The following GRM5 variants were observed in gnomAD, a reference collection of about 807,000 sequenced individuals.
GRM5 encodes metabotropic glutamate receptor 5.
Under a neutral mutation model 83.1 loss-of-function variants are expected in GRM5, and 19 were observed. The ratio of observed to expected loss-of-function variants is 0.23; its 90% CI spans 0.16 to 0.34. The LOEUF (loss-of-function observed/expected upper bound fraction) is 0.34. GRM5 is among the 10% of genes least tolerant of loss of function. The probability of loss-of-function intolerance (pLI) is 1.00; values close to 1 mark genes in which losing one functional copy is unlikely to be tolerated. For missense variants in GRM5, 1,160 were observed against 1,588.3 expected (o/e 0.73, Z 4.58); for synonymous variants, 675 against 633.6 (o/e 1.07, Z -0.98).
chr11:89,048,051 A>T lies in GRM5; in HGVS notation c.-179T>A. On this transcript the variant is annotated 5_prime_UTR_variant, in exon 2 of 10. It removes an upstream start codon present in the reference 5' UTR. Transcript: ENST00000305447. ...CATGTACCATTTAGTTAGATGATCC[A>T]TGTGGTCATGATCTTCTAAACCTGA... 1 of 587,546 alleles carries T rather than the reference A, an allele frequency of 1.7e-6. No homozygotes were observed. The highest frequency in any genetic ancestry group is 3.0e-6 in the Non-Finnish European group (1 of 330,466). The allele number at this position is 587,546 out of a possible 1,614,324, so 36.4% of individuals were successfully genotyped here. A position where few individuals can be genotyped will look rare whatever the true frequency, so the allele number is the denominator to read the frequency against.
intron 2 of GRM5, among the ~76,000 whole-genome samples, chr11:88,993,318 T>C (rs1215645897): frequency 6.0e-5 from 9 of 150,636 alleles, no homozygotes; most frequent in Non-Finnish European, 4.4e-5. Context: ...TATATATGGA[T>C]ATCCATTTTT....
chr11:88,905,437 G>A (rs1242454012), intron 2 of GRM5, among the ~76,000 whole-genome samples: 5 of 152,042 alleles, frequency 3.3e-5, no homozygotes, highest in African/African-American at 4.8e-5. Flanking sequence ...TCTGCCTCCC[G>A]GGTTCAAGTG....
intron 3 of GRM5, among the ~76,000 whole-genome samples, chr11:88,786,689 T>C (rs1943074422): frequency 6.6e-6 from 1 of 152,110 alleles, no homozygotes; most frequent in Admixed American, 6.6e-5. Context: ...CATTCCTGAC[T>C]ACCTTATTTT....
At chr11:89,008,795 A>T (rs544443724) in intron 2 of GRM5, among the ~76,000 whole-genome samples, 1 of 152,306 alleles carries the variant, frequency 6.6e-6, no homozygotes, top group African/African-American at 2.4e-5. Flanking sequence ...ATCCATAAGT[A>T]ATGATTTACA....
intron 3 of GRM5, among the ~76,000 whole-genome samples, chr11:88,793,188 A>C (rs1175473990): frequency 2.6e-5 from 4 of 152,190 alleles, no homozygotes; most frequent in Non-Finnish European, 5.9e-5. Flanking sequence ...AAAGCACAAC[A>C]GCACTTAAAT....
At chr11:88,786,761 G>A (rs17182184) in intron 3 of GRM5, among the ~76,000 whole-genome samples, 5 of 151,446 alleles carry the variant, frequency 3.3e-5, no homozygotes, top group African/African-American at 7.3e-5. Flanking sequence ...ATTTTTTTAC[G>A]TTACATACCT....
chr11:88,574,623 C>G lies in GRM5; in HGVS notation c.1691-6631G>C, dbSNP rs1057081427. Among the ~76,000 whole-genome samples the G allele has an allele frequency of 1.6e-4, 24 of 152,004 alleles. 1 individual carries two copies. The highest frequency in any genetic ancestry group is 5.6e-4 in the African/African-American group (23 of 41,388). On this transcript the variant is annotated intron_variant, in intron 7 of 9. Coordinates refer to ENST00000305447, the MANE Select transcript of GRM5 (RefSeq NM_001143831.3). ...CTCTACTAAAAATACAGAAATTAGC[C>G]AGGCATGGTGGCAGGCACCTGTAGT...
chr11:89,016,181 T>C (rs966404659), intron 2 of GRM5, among the ~76,000 whole-genome samples: 5 of 149,954 alleles, frequency 3.3e-5, no homozygotes, highest in East Asian at 1.9e-4. Context: ...TATAAATATA[T>C]AGAACCATTA....
chr11:88,859,559 G>A (rs1944528804), intron 2 of GRM5, among the ~76,000 whole-genome samples: 2 of 152,096 alleles, frequency 1.3e-5, no homozygotes, highest in African/African-American at 4.8e-5. Flanking sequence ...TTCTAAAGAA[G>A]GTGTTGATGC....
At chr11:88,673,668 G>A (rs1940247415) in intron 3 of GRM5, among the ~76,000 whole-genome samples, 1 of 151,716 alleles carries the variant, frequency 6.6e-6, no homozygotes, top group African/African-American at 2.4e-5. Flanking sequence ...TTTCTAGTTT[G>A]TATTGCCCCC....
intron 3 of GRM5, among the ~76,000 whole-genome samples, chr11:88,835,011 A>G (rs1944067045): frequency 6.6e-6 from 1 of 152,200 alleles, no homozygotes; most frequent in Admixed American, 6.5e-5. Context: ...CCACTCTAAA[A>G]TATCTACAAT....
chr11:88,878,723 G>A (rs540996069), intron 2 of GRM5, among the ~76,000 whole-genome samples: 3 of 152,132 alleles, frequency 2.0e-5, no homozygotes, highest in Non-Finnish European at 4.4e-5. Context: ...ACGAAGTGTA[G>A]TTCATCCATA....
At chr11:88,794,351 G>A (rs1388573747) in intron 3 of GRM5, among the ~76,000 whole-genome samples, 1 of 152,148 alleles carries the variant, frequency 6.6e-6, no homozygotes, top group Non-Finnish European at 1.5e-5. Flanking sequence ...ACACCATTCT[G>A]TGGACACTTT....
At chr11:88,609,735 A>C (rs1938263688) in intron 4 of GRM5, among the ~76,000 whole-genome samples, 1 of 152,146 alleles carries the variant, frequency 6.6e-6, no homozygotes, top group South Asian at 2.1e-4. Flanking sequence ...CCCTTTGCTT[A>C]ATTAGGTTCT....
At chr11:88,640,742 T>C (rs1036443591) in intron 4 of GRM5, among the ~76,000 whole-genome samples, 23 of 152,228 alleles carry the variant, frequency 1.5e-4, no homozygotes, top group African/African-American at 5.1e-4. Flanking sequence ...ATAAAAGATA[T>C]TACAAAGATA....
At chr11:89,026,886 A>C (rs1181296305) in intron 2 of GRM5, among the ~76,000 whole-genome samples, 2 of 152,318 alleles carry the variant, frequency 1.3e-5, no homozygotes, top group East Asian at 3.9e-4. Flanking sequence ...TATTGAAGTC[A>C]TATGTTTTAA....
At chr11:88,990,810 C>G (rs1939937286) in intron 2 of GRM5, among the ~76,000 whole-genome samples, 1 of 151,642 alleles carries the variant, frequency 6.6e-6, no homozygotes, top group South Asian at 2.1e-4. Context: ...CAAAATTCAA[C>G]AACCCTTCAT....
chr11:88,511,137 T>TC (rs1352723316), intron 9 of GRM5, among the ~76,000 whole-genome samples: 2 of 152,192 alleles, frequency 1.3e-5, no homozygotes. Context: ...GTTCTTCTGC[T>TC]CCCAAAGTAA....
chr11:88,773,453 T>G (rs1241128766), intron 3 of GRM5, among the ~76,000 whole-genome samples: 1 of 152,216 alleles, frequency 6.6e-6, no homozygotes, highest in Non-Finnish European at 1.5e-5. Flanking sequence ...CTCTTTAGTT[T>G]AATTAGATGC....
Sources: allele counts gnomAD v4.1 joint callset (sites outside exome capture counted in the v4.1 genomes callset), GRCh38; gene constraint gnomAD v4.1.1; transcripts MANE v1.5; gene names NCBI Gene and HGNC (gene_info 2026-07-23, HGNC 2026-07-21).